Variants in SLC4A4 observed in about 807,000 individuals in gnomAD.
SLC4A4 encodes the protein electrogenic sodium bicarbonate cotransporter 1.
A neutral mutation model predicts 111.5 loss-of-function variants in SLC4A4; 27 were observed. That is an observed-to-expected ratio of 0.24 (90% CI 0.18 to 0.33). The LOEUF is 0.33. Among genes scored for constraint, SLC4A4 ranks in the 10% least tolerant of loss-of-function variants. SLC4A4 has a pLI of 1.00. For missense variants in SLC4A4, 909 were observed against 1,315.5 expected, an observed-to-expected ratio of 0.69 and a Z score of 4.78; for synonymous variants, 443 against 463.4, an observed-to-expected ratio of 0.96 and a Z score of 0.57.
At chr4:71,172,751 A>G (rs960476128) in intron 2 of SLC4A4, among the ~76,000 whole-genome samples, 1 of 152,232 alleles carries the variant, frequency 6.6e-6, no homozygotes, top group Non-Finnish European at 1.5e-5. Flanking sequence ...TACTAGCATC[A>G]GGCTCAGTGC....
intron 3 of SLC4A4, among the ~76,000 whole-genome samples, chr4:71,267,683 A>G (rs1027731633): frequency 6.7e-6 from 1 of 150,262 alleles, no homozygotes; most frequent in Non-Finnish European, 1.5e-5. Context: ...AGTCCTAGCT[A>G]CTCAGGAGGC....
intron 7 of SLC4A4, among the ~76,000 whole-genome samples, chr4:71,417,923 G>T (rs773255555): frequency 6.6e-6 from 1 of 152,100 alleles, no homozygotes; most frequent in East Asian, 1.9e-4. Flanking sequence ...AGACCTTTAC[G>T]CTTTTGAGAC....
chr4:71,402,312 G>C (rs1349627813), intron 7 of SLC4A4, among the ~76,000 whole-genome samples: 1 of 152,116 alleles, frequency 6.6e-6, no homozygotes, highest in Non-Finnish European at 1.5e-5. Flanking sequence ...AGTCAACCAA[G>C]TCCACTGAGA....
At chr4:71,353,032 C>T (rs796668949) in intron 5 of SLC4A4, among the ~76,000 whole-genome samples, 2 of 152,104 alleles carry the variant, frequency 1.3e-5, no homozygotes, top group East Asian at 1.9e-4. Flanking sequence ...ACTAACTGAC[C>T]GTTTTCATGT....
intron 2 of SLC4A4, among the ~76,000 whole-genome samples, chr4:71,159,883 A>G (rs1233449377): frequency 1.4e-5 from 2 of 146,020 alleles, no homozygotes; most frequent in Non-Finnish European, 3.0e-5. Context: ...GTTCTATTCT[A>G]TAGTTCTATA....
upstream of SLC4A4, among the ~76,000 whole-genome samples, chr4:71,184,926 G>A (rs1223416344): frequency 2.0e-5 from 3 of 152,162 alleles, no homozygotes; most frequent in Admixed American, 1.3e-4. Flanking sequence ...GATAACAGAG[G>A]TTGTCAACGC....
intron 16 of SLC4A4, among the ~76,000 whole-genome samples, chr4:71,525,404 C>G (rs1320918957): frequency 6.6e-6 from 1 of 152,136 alleles, no homozygotes; most frequent in Non-Finnish European, 1.5e-5. Flanking sequence ...GCATTACAGT[C>G]TTAACTGAGA....
chr4:71,210,904 C>A (rs1407718867), intron 1 of SLC4A4, among the ~76,000 whole-genome samples: 1 of 152,142 alleles, frequency 6.6e-6, no homozygotes, highest in African/African-American at 2.4e-5. Context: ...TGGAGGCATG[C>A]AGCTGCAGTT....
chr4:71,271,359 C>G (rs760207421), intron 3 of SLC4A4, among the ~76,000 whole-genome samples: 53 of 152,280 alleles, frequency 3.5e-4, no homozygotes, highest in Non-Finnish European at 7.4e-4. Flanking sequence ...ATCTGGTGCT[C>G]TTTTTACAGT....
chr4:71,406,322 C>T (rs1560479004), intron 7 of SLC4A4, among the ~76,000 whole-genome samples: 3 of 149,628 alleles, frequency 2.0e-5, no homozygotes, highest in Non-Finnish European at 4.5e-5. Context: ...TGAGCCAACA[C>T]TTTTTTTTTT....
chr4:71,335,337 T>G (rs890026652), intron 3 of SLC4A4, among the ~76,000 whole-genome samples: 1 of 152,186 alleles, frequency 6.6e-6, no homozygotes, highest in Non-Finnish European at 1.5e-5. Context: ...AAAAAGTGAC[T>G]AAACTTTTGG....
At chr4:71,226,382 C>T (rs910039404) in intron 1 of SLC4A4, among the ~76,000 whole-genome samples, 3 of 152,160 alleles carry the variant, frequency 2.0e-5, no homozygotes, top group Non-Finnish European at 4.4e-5. Flanking sequence ...GTTCGTGGAA[C>T]AAACTTTTAT....
intron 24 of SLC4A4, among the ~76,000 whole-genome samples, chr4:71,564,767 G>A (rs1168363117): frequency 2.6e-5 from 4 of 151,850 alleles, no homozygotes; most frequent in African/African-American, 7.2e-5. Flanking sequence ...AGAGGTTACT[G>A]CTATCAAGAA....
chr4:71,314,565 C>T (rs1726510474), intron 3 of SLC4A4, among the ~76,000 whole-genome samples: 1 of 152,134 alleles, frequency 6.6e-6, no homozygotes, highest in Non-Finnish European at 1.5e-5. Flanking sequence ...GGCACATATA[C>T]AGCATGGAAT....
intron 1 of SLC4A4, among the ~76,000 whole-genome samples, chr4:71,084,584 G>C (rs1006665614): frequency 2.0e-5 from 3 of 151,808 alleles, no homozygotes; most frequent in African/African-American, 7.3e-5. Context: ...GCCCCGGTGT[G>C]TGATGTTCCC....
At chr4:71,255,671 G>A (rs958355583) in intron 3 of SLC4A4, among the ~76,000 whole-genome samples, 1 of 152,184 alleles carries the variant, frequency 6.6e-6, no homozygotes, top group Non-Finnish European at 1.5e-5. Context: ...TAATAGGGTA[G>A]TATTGCAGAT....
chr4:71,195,305 C>T (rs1339416434), intron 1 of SLC4A4, among the ~76,000 whole-genome samples: 1 of 138,600 alleles, frequency 7.2e-6, no homozygotes. Context: ...TTAAGTATAG[C>T]TGTTCTGTGG....
intron 1 of SLC4A4, among the ~76,000 whole-genome samples, chr4:71,214,479 A>G (rs991657726): frequency 2.6e-5 from 4 of 152,142 alleles, no homozygotes; most frequent in African/African-American, 9.7e-5. Context: ...ACCCTTGTAT[A>G]TAACCCAGAA....
intron 2 of SLC4A4, among the ~76,000 whole-genome samples, chr4:71,106,666 TG>T (rs1742929459): frequency 6.9e-6 from 1 of 144,218 alleles, no homozygotes; most frequent in Non-Finnish European, 1.5e-5. Flanking sequence ...AGTAAACTAT[TG>T]CAAGAACAAA....
Sources: allele counts gnomAD v4.1 joint callset (sites outside exome capture counted in the v4.1 genomes callset), GRCh38; gene constraint gnomAD v4.1.1; transcripts MANE v1.5; gene names NCBI Gene and HGNC (gene_info 2026-07-23, HGNC 2026-07-21).